Variants in PREX2 observed in about 807,000 individuals in gnomAD.
PREX2 encodes the protein phosphatidylinositol 3,4,5-trisphosphate-dependent Rac exchanger 2 protein.
A neutral mutation model predicts 203.2 loss-of-function variants in PREX2; 107 were observed. The ratio of observed to expected loss-of-function variants is 0.53; its 90% CI spans 0.45 to 0.62. The LOEUF (loss-of-function observed/expected upper bound fraction) is 0.62. PREX2 is among the 20% of genes least tolerant of loss of function. The probability of loss-of-function intolerance (pLI) is 0.00; values close to 1 mark genes in which losing one functional copy is unlikely to be tolerated. For missense variants in PREX2, 1,777 were observed against 1,955.9 expected (o/e 0.91, Z 1.72); for synonymous variants, 672 against 663.6 (o/e 1.01, Z -0.19).
At chr8:68,230,792 G>T (rs997155819) in intron 39 of PREX2, among the ~76,000 whole-genome samples, 3 of 152,096 alleles carry the variant, frequency 2.0e-5, no homozygotes, top group Non-Finnish European at 2.9e-5. Context: ...TTTATCCTTA[G>T]GAAACTCTAG....
intron 1 of PREX2, among the ~76,000 whole-genome samples, chr8:67,982,040 G>A (rs927662650): frequency 2.0e-5 from 3 of 152,182 alleles, no homozygotes; most frequent in Non-Finnish European, 4.4e-5. Flanking sequence ...CAGTGAACAA[G>A]TAGAACTTAA....
At chr8:67,978,097 C>T (rs1040552187) in intron 1 of PREX2, among the ~76,000 whole-genome samples, 1 of 152,076 alleles carries the variant, frequency 6.6e-6, no homozygotes, top group African/African-American at 2.4e-5. Context: ...GGGGGTTAGT[C>T]TTGTGGGACC....
rs369580506 is a variant in PREX2, at chr8:68,120,212, A to G, written c.3521A>G (p.Asn1174Ser). ...HLFSQVDSIT[N>S]LLKGQAVVRA... Reference sequence around the variant, plus strand: ...TATTGATAGGTGGATTCAATTACCAATCTCCTAAAAGGGCAGGCTGTTGTG... The same window carrying G: ...TATTGATAGGTGGATTCAATTACCAGTCTCCTAAAAGGGCAGGCTGTTGTG... The change falls in exon 29 of 40, where the codon AAT (asparagine) becomes AGT (serine). Residue 1174 changes from asparagine (N) to serine (S), a missense_variant. By Grantham distance (46) the Asn-to-Ser change is conservative (BLOSUM62 1). Transcript: ENST00000288368. 2.8e-5 allele frequency: 45 copies of G among 1,612,330 alleles called. No individual in the cohort carries two copies. Among genetic ancestry groups the G allele is most frequent in the South Asian group, 6.6e-5 (6 of 91,042 alleles).
intron 38 of PREX2, among the ~76,000 whole-genome samples, chr8:68,222,032 C>T (rs1812964158): frequency 6.6e-6 from 1 of 152,142 alleles, no homozygotes; most frequent in Non-Finnish European, 1.5e-5. Context: ...GGAATGAACC[C>T]TATGCTACTG....
intron 33 of PREX2, among the ~76,000 whole-genome samples, chr8:68,141,953 G>A (rs1490617337): frequency 6.6e-6 from 1 of 152,056 alleles, no homozygotes; most frequent in Non-Finnish European, 1.5e-5. Context: ...TTAGTATTAT[G>A]CACTTTTTAA....
chr8:68,208,421 TA>T (rs1812681165), intron 37 of PREX2, among the ~76,000 whole-genome samples: 1 of 151,990 alleles, frequency 6.6e-6, no homozygotes, highest in African/African-American at 2.4e-5. Flanking sequence ...GGCAAGGTTT[TA>T]AAAAATGGGA....
chr8:68,014,959 C>T (rs1233940700), intron 1 of PREX2, among the ~76,000 whole-genome samples: 1 of 152,070 alleles, frequency 6.6e-6, no homozygotes. Flanking sequence ...AGTTTGAAAC[C>T]CACTAGCATA....
At chr8:68,047,607 C>T (rs1268461208) in intron 8 of PREX2, among the ~76,000 whole-genome samples, 2 of 149,418 alleles carry the variant, frequency 1.3e-5, no homozygotes, top group Admixed American at 6.7e-5. Context: ...ATTATCTTGC[C>T]TAGGCTGGAC....
At chr8:68,154,637 T>A (rs1034016057) in intron 34 of PREX2, among the ~76,000 whole-genome samples, 1 of 152,244 alleles carries the variant, frequency 6.6e-6, no homozygotes, top group African/African-American at 2.4e-5. Context: ...CTGTGTGTAT[T>A]CAGGACCAGA....
chr8:67,978,476 T>C (rs1445564738), intron 1 of PREX2, among the ~76,000 whole-genome samples: 1 of 152,224 alleles, frequency 6.6e-6, no homozygotes, highest in Non-Finnish European at 1.5e-5. Flanking sequence ...CATTATATAA[T>C]CCATTATATA....
chr8:68,093,758 T>C, intron 21 of PREX2, 36 bp downstream of exon 21: 2 of 1,166,394 alleles, frequency 1.7e-6, no homozygotes, highest in Non-Finnish European at 2.6e-6. Flanking sequence ...GTGCTTATAG[T>C]ATTCTTTTCC....
At chr8:67,973,296 A>T (rs547042837) in intron 1 of PREX2, among the ~76,000 whole-genome samples, 1 of 152,248 alleles carries the variant, frequency 6.6e-6, no homozygotes, top group South Asian at 2.1e-4. Flanking sequence ...ATGCTCAAAC[A>T]TCCTAATTTA....
In PREX2 at chr8:68,087,775, A is replaced by T. The variant is rs780988989; in HGVS notation, c.2079A>T (p.Gly693=). 9 of 1,613,762 alleles carry T rather than the reference A, an allele frequency of 5.6e-6. No individual in the cohort carries two copies. The Middle Eastern group carries it at 1.5e-3, about 266-fold the overall frequency. ...ATGGACTTGGCTTCCAGATCCGGGG[A>T]TTTGGCCCTTCTGTTGTGCATGCTG... ...SADGLGFQIR[G]FGPSVVHAVG... Residue 693 remains glycine (G), a synonymous_variant, in exon 19 of 40, where the codon GGA becomes GGT. Coordinates refer to ENST00000288368, the MANE Select transcript of PREX2 (RefSeq NM_024870.4).
At chr8:68,177,177 G>A (rs1192517847) in intron 35 of PREX2, 2 of 152,338 alleles carry the variant, frequency 1.3e-5, no homozygotes, top group Non-Finnish European at 2.9e-5. Context: ...AGTCAGGTCT[G>A]TTTTACTATG....
At chr8:68,136,282 T>C (rs766475468) in intron 32 of PREX2, among the ~76,000 whole-genome samples, 1 of 152,126 alleles carries the variant, frequency 6.6e-6, no homozygotes, top group Non-Finnish European at 1.5e-5. Context: ...ACTGGTCTTG[T>C]GAAACCCTTA....
intron 37 of PREX2, among the ~76,000 whole-genome samples, chr8:68,216,885 C>A (rs1168978255): frequency 6.6e-6 from 1 of 151,052 alleles, no homozygotes; most frequent in Non-Finnish European, 1.5e-5. Context: ...TTGCTTGAAC[C>A]TGGGAGGCAG....
At chr8:67,989,559 T>G (rs1806538061) in intron 1 of PREX2, among the ~76,000 whole-genome samples, 1 of 152,198 alleles carries the variant, frequency 6.6e-6, no homozygotes, top group African/African-American at 2.4e-5. Context: ...TACATATATG[T>G]AGTGTTTTTT....
chr8:68,089,603 G>C (rs1320057658), intron 19 of PREX2, among the ~76,000 whole-genome samples: 1 of 152,176 alleles, frequency 6.6e-6, no homozygotes, highest in African/African-American at 2.4e-5. Context: ...TCTTTCTGCT[G>C]ATAATTTTCC....
chr8:68,095,638 ATT>A (rs35221236), intron 21 of PREX2, among the ~76,000 whole-genome samples: 1 of 121,652 alleles, frequency 8.2e-6, no homozygotes, highest in Admixed American at 8.5e-5. Flanking sequence ...TTTCCTTTCC[ATT>A]TTTTTTTTTT....
Sources: gnomAD v4.1 joint callset for allele counts (sites outside exome capture counted in the v4.1 genomes callset) on GRCh38, gnomAD v4.1.1 for gene constraint, MANE v1.5 for transcripts, NCBI Gene and HGNC (gene_info 2026-07-23, HGNC 2026-07-21) for gene names.